PDE4A: variants seen among roughly 807,000 people sequenced by gnomAD.
PDE4A encodes phosphodiesterase 4A, also known as 3',5'-cyclic-AMP phosphodiesterase 4A.
Under a neutral mutation model 73.9 loss-of-function variants are expected in PDE4A, and 21 were observed. That is an observed-to-expected ratio of 0.28 (90% CI 0.20 to 0.41). The LOEUF is 0.41. PDE4A is among the 10% of genes least tolerant of loss of function. The pLI, the probability that PDE4A is intolerant of heterozygous loss-of-function variation, is 1.00. For missense variants in PDE4A, 958 were observed against 1,211.4 expected (o/e 0.79, Z 3.10); for synonymous variants, 463 against 505.4 (o/e 0.92, Z 1.13).
At chr19:10,445,112 C>T (rs1446547072) in intron 1 of PDE4A, among the ~76,000 whole-genome samples, 1 of 152,100 alleles carries the variant, frequency 6.6e-6, no homozygotes, top group African/African-American at 2.4e-5. Flanking sequence ...AAGGTGGGAT[C>T]CATCGAAGGT....
intron 1 of PDE4A, chr19:10,427,374 G>T (rs2042731231): frequency 2.3e-6 from 1 of 434,474 alleles, no homozygotes; most frequent in African/African-American, 2.1e-5. Context: ...AAGAGCCAGT[G>T]CAGAGGTCCT....
In PDE4A at chr19:10,464,331, T is replaced by C. The variant is rs557582522; in HGVS notation, c.1926+356T>C. 199 of 454,378 alleles carry C rather than the reference T, an allele frequency of 4.4e-4. 2 individuals are homozygous for C. The highest frequency in any genetic ancestry group is 1.3e-3 in the Middle Eastern group (2 of 1,524). 28.1% of individuals were successfully genotyped at this position (454,378 alleles called of 1,614,324 possible). On this transcript the variant is annotated intron_variant, in intron 14 of 14. Transcript: ENST00000380702. ...CAGGCTGGTCTTGAACTCCTGACCT[T>C]GTGATCTACCCGCCTTGGCCTCCCA...
chr19:10,430,630 G>C (rs1478344871), intron 1 of PDE4A, among the ~76,000 whole-genome samples: 1 of 151,946 alleles, frequency 6.6e-6, no homozygotes, highest in East Asian at 1.9e-4. Context: ...AACGCGGGCG[G>C]CTTTGGGGTC....
Position 10,459,591 on chromosome 19 carries a change from T to G in PDE4A, c.1201-4T>G. ...GTCACCACCCTGCCCCTGCCTGCTC[T>G]CAGGAGCGGGACCTGCTGAAGAAAT... On this transcript the variant is annotated splice_polypyrimidine_tract_variant and splice_region_variant and intron_variant, in intron 9 of 14. Coordinates refer to ENST00000380702, the MANE Select transcript of PDE4A (RefSeq NM_001111307.2). 1.9e-6 allele frequency: 3 copies of G among 1,613,724 alleles called. No individual in the cohort carries two copies. Among genetic ancestry groups the G allele is most frequent in the Non-Finnish European group, 2.5e-6 (3 of 1,179,704 alleles).
chr19:10,423,595 G>A (rs540755643), intron 1 of PDE4A, among the ~76,000 whole-genome samples: 1 of 152,332 alleles, frequency 6.6e-6, no homozygotes, highest in South Asian at 2.1e-4. Flanking sequence ...TTTCCAGTCT[G>A]TAGAGTGGGG....
rs115130386 is a variant in PDE4A at position 10,456,225 on chromosome 19, T to C, written c.877+1303T>C. Among the ~76,000 whole-genome samples the C allele has an allele frequency of 7.3e-3, 1,101 of 151,314 alleles. 14 individuals carry two copies. The highest frequency in any genetic ancestry group is 0.025 in the African/African-American group (1,022 of 41,248). On this transcript the variant is annotated intron_variant, in intron 7 of 14. Coordinates refer to ENST00000380702, the MANE Select transcript of PDE4A (RefSeq NM_001111307.2). ...GGGCAACATAGTGAGAATCTGTCTC[T>C]ACAAAAAAAATTAAAAACTAGGCCG...
intron 1 of PDE4A, among the ~76,000 whole-genome samples, chr19:10,441,917 C>T (rs149414511): frequency 1.4e-4 from 21 of 151,128 alleles, no homozygotes; most frequent in Middle Eastern, 6.8e-3. Flanking sequence ...CTCGAACTCC[C>T]GACCTCAGGT....
At chr19:10,421,182 G>C (rs1444054727) in intron 1 of PDE4A, 98 bp downstream of exon 1, 1 of 1,335,100 alleles carries the variant, frequency 7.5e-7, no homozygotes, top group Non-Finnish European at 9.5e-7. Context: ...ATGCGGGTGG[G>C]GTCGGTTTGG....
intron 1 of PDE4A, among the ~76,000 whole-genome samples, chr19:10,433,946 C>G (rs1599412189): frequency 6.6e-6 from 1 of 151,632 alleles, no homozygotes; most frequent in South Asian, 2.1e-4. Flanking sequence ...AATCCACATT[C>G]TAGGCCGGGC....
rs556190987 is a variant in PDE4A at position 10,454,953 on chromosome 19, G to A, written c.877+31G>A. Reference sequence around the variant, plus strand: ...TGAGGGGAAGCACGTGGGATTGGAGGGGGGACATTTGGGGTAGAGAGGGGG... The same window carrying A: ...TGAGGGGAAGCACGTGGGATTGGAGAGGGGACATTTGGGGTAGAGAGGGGG... On this transcript the variant is annotated intron_variant, in intron 7 of 14. Coordinates refer to ENST00000380702, the MANE Select transcript of PDE4A (RefSeq NM_001111307.2). The A allele has an allele frequency of 2.0e-5, 33 of 1,611,614 alleles. 1 individual carries two copies. The South Asian group carries it at 3.6e-4, about 18-fold the overall frequency.
At chr19:10,450,578 C>T in intron 4 of PDE4A, 25 bp from the exon 5 acceptor site, 1 of 1,588,000 alleles carries the variant, frequency 6.3e-7, no homozygotes, top group Non-Finnish European at 8.6e-7. Flanking sequence ...GCTGACATTG[C>T]AGCCCCATTT....
chr19:10,419,666 CAT>C (rs2042624582), upstream of PDE4A: 1 of 152,720 alleles, frequency 6.5e-6, no homozygotes, highest in South Asian at 2.1e-4. Context: ...CGACCACACA[CAT>C]ACACTCACGC....
Position 10,436,411 on chromosome 19 carries a change from C to T in PDE4A, c.321-9807C>T, listed in dbSNP as rs546522449. Among the ~76,000 whole-genome samples the T allele has an allele frequency of 5.9e-5, 9 of 152,076 alleles. No homozygotes were observed. In the East Asian group the frequency reaches 1.2e-3, roughly 20 times the overall value. ...TCTCTACTAAAAATACAAAATTAGC[C>T]GGGCATGGTGATACATGCCTGTAAT... On this transcript the variant is annotated intron_variant, in intron 1 of 14. Transcript: ENST00000380702.
At chr19:10,420,415 A>G, upstream of PDE4A, 1 of 963,246 alleles carries the variant, frequency 1.0e-6, no homozygotes, top group Non-Finnish European at 1.2e-6. This position sits in a 1 kb window ranked among gnomAD's most constrained non-coding sequence, Gnocchi z 6.0. Context: ...GCTGGCCCGG[A>G]CGGAGGAGGA....
At chr19:10,428,216 G>A (rs751503646) in intron 1 of PDE4A, among the ~76,000 whole-genome samples, 9 of 152,060 alleles carry the variant, frequency 5.9e-5, no homozygotes, top group Non-Finnish European at 8.8e-5. Flanking sequence ...AGTCAGGCAT[G>A]GTGGCGCACA....
chr19:10,440,989 C>T (rs897531419), intron 1 of PDE4A, among the ~76,000 whole-genome samples: 2 of 151,510 alleles, frequency 1.3e-5, no homozygotes, highest in Admixed American at 1.3e-4. Flanking sequence ...CCGCCCACCT[C>T]GGCCTCCCAA....
At position 10,467,033 on chromosome 19, in the gene PDE4A, C is replaced by G; in HGVS notation, c.2073C>G (p.Pro691=). Residue 691 remains proline, a synonymous_variant, in exon 15 of 15, where the codon CCC becomes CCG. Coordinates refer to ENST00000380702, the MANE Select transcript of PDE4A (RefSeq NM_001111307.2). Reference sequence around the variant, plus strand: ...TCCGGCAGAGCCCATCTCCGCCACCCGAGGAGGAGTCAAGGGGGCCAGGCC... The same window carrying G: ...TCCGGCAGAGCCCATCTCCGCCACCGGAGGAGGAGTCAAGGGGGCCAGGCC... ...SAIRQSPSPP[P]EEESRGPGHP... The G allele has an allele frequency of 1.2e-6, 2 of 1,614,138 alleles. No individual in the cohort carries two copies. Among genetic ancestry groups the G allele is most frequent in the Non-Finnish European group, 8.5e-7 (1 of 1,180,034 alleles).
Position 10,450,924 on chromosome 19 carries a change from G to A in PDE4A, c.766G>A (p.Glu256Lys), listed in dbSNP as rs1406400943. Residue 256 changes from glutamate (E) to lysine (K), a missense_variant, in exon 6 of 15, where the codon GAG (glutamate) becomes AAG (lysine). Glu to Lys is a moderately conservative substitution (Grantham distance 56). Coordinates refer to ENST00000380702, the MANE Select transcript of PDE4A (RefSeq NM_001111307.2). ...CATGCAGACCTATCGCTCTGTCAGC[G>A]AGATGGCCTCGCACAAGGTGTGCAG... ...ETMQTYRSVS[E>K]MASHKFKRML... 6.2e-7 allele frequency: 1 copy of A among 1,604,364 alleles called. No individual in the cohort carries two copies. The highest frequency in any genetic ancestry group is 8.5e-7 in the Non-Finnish European group (1 of 1,175,758).
At chr19:10,464,021 C>T (rs199499306) in intron 14 of PDE4A, 46 bp downstream of exon 14, 1 of 1,609,984 alleles carries the variant, frequency 6.2e-7, no homozygotes, top group South Asian at 1.1e-5. Flanking sequence ...TGAGTCTCCC[C>T]AGCCCATCTT....
Sources: allele counts gnomAD v4.1 joint callset (sites outside exome capture counted in the v4.1 genomes callset), GRCh38; gene constraint gnomAD v4.1.1; non-coding constraint Gnocchi (gnomAD v3.1); transcripts MANE v1.5; gene names NCBI Gene and HGNC (gene_info 2026-07-23, HGNC 2026-07-21).